The following SNX29 variants were observed in gnomAD, a reference collection of about 807,000 sequenced individuals.
SNX29 encodes the protein sorting nexin-29.
A neutral mutation model predicts 102.1 loss-of-function variants in SNX29; 78 were observed. That is an observed-to-expected ratio of 0.76 (90% CI 0.64 to 0.92). SNX29 has a LOEUF of 0.92. SNX29 is among the 40% of genes least tolerant of loss of function. The probability of loss-of-function intolerance (pLI) is 0.00; values close to 1 mark genes in which losing one functional copy is unlikely to be tolerated. For missense variants in SNX29, 1,280 were observed against 1,061.7 expected (o/e 1.21, Z -2.86); for synonymous variants, 580 against 414.5 (o/e 1.40, Z -4.85).
chr16:12,524,984 G>A, intron 20 of SNX29, 143 bp downstream of exon 20: 1 of 1,213,124 alleles, frequency 8.2e-7, no homozygotes, highest in Non-Finnish European at 1.1e-6. Context: ...GCTGTTCCAG[G>A]TGCCAAAGTG....
intron 15 of SNX29, among the ~76,000 whole-genome samples, chr16:12,281,045 C>T (rs2079414480): frequency 1.3e-5 from 2 of 152,196 alleles, no homozygotes; most frequent in African/African-American, 4.8e-5. Context: ...GTAGCTGAGA[C>T]TACAGGCATG....
rs920638165 is a variant in SNX29, at chr16:12,574,136, G to A, written c.*5507G>A. On this transcript the variant is annotated 3_prime_UTR_variant, in exon 21 of 21. Coordinates refer to ENST00000566228, the MANE Select transcript of SNX29 (RefSeq NM_032167.5). ...TCTTATGTTAAGGTTTACATAATAG[G>A]ATTTTTAAACAAATGTGTTTAATTT... 2.2e-5 allele frequency: 4 copies of A among 183,126 alleles called. No homozygotes were observed. Among genetic ancestry groups the A allele is most frequent in the African/African-American group, 7.1e-5 (3 of 42,534 alleles). The allele number at this position is 183,126 out of a possible 1,614,324, so 11.3% of individuals were successfully genotyped here. A position where few individuals can be genotyped will look rare whatever the true frequency, so the allele number is the denominator to read the frequency against.
intron 3 of SNX29, among the ~76,000 whole-genome samples, chr16:12,012,970 C>T (rs891095451): frequency 6.7e-6 from 1 of 149,558 alleles, no homozygotes; most frequent in African/African-American, 2.5e-5. Context: ...ATTTGCATTT[C>T]AGGTAGATAG....
intron 18 of SNX29, among the ~76,000 whole-genome samples, chr16:12,436,829 T>C (rs1183000223): frequency 6.6e-6 from 1 of 152,182 alleles, no homozygotes; most frequent in Non-Finnish European, 1.5e-5. Flanking sequence ...AATTTTTGTA[T>C]TTTAGTAGAG....
chr16:12,564,584 C>T (rs542131085), intron 20 of SNX29, among the ~76,000 whole-genome samples: 1 of 152,174 alleles, frequency 6.6e-6, no homozygotes, highest in Non-Finnish European at 1.5e-5. Flanking sequence ...CCAGACGCCC[C>T]TTTTTCTTGT....
At chr16:12,564,157 G>A (rs1257769899) in intron 20 of SNX29, among the ~76,000 whole-genome samples, 1 of 152,160 alleles carries the variant, frequency 6.6e-6, no homozygotes, top group Non-Finnish European at 1.5e-5. Flanking sequence ...GGAGGCCTGA[G>A]GTAGAGGATT....
intron 16 of SNX29, among the ~76,000 whole-genome samples, chr16:12,391,484 A>G (rs775389892): frequency 1.3e-5 from 2 of 152,224 alleles, no homozygotes; most frequent in Non-Finnish European, 2.9e-5. Flanking sequence ...AAAACTTTCC[A>G]GGATTTTGCT....
At chr16:12,295,061 T>C (rs767135773) in intron 15 of SNX29, among the ~76,000 whole-genome samples, 2 of 152,112 alleles carry the variant, frequency 1.3e-5, no homozygotes, top group African/African-American at 2.4e-5. Context: ...TGAGACTTAT[T>C]CTCTACCACA....
At chr16:12,539,963 G>C (rs994856937) in intron 20 of SNX29, among the ~76,000 whole-genome samples, 16 of 152,198 alleles carry the variant, frequency 1.1e-4, no homozygotes, top group African/African-American at 3.1e-4. Flanking sequence ...GAACATGTGA[G>C]TTGCACATAT....
intron 14 of SNX29, among the ~76,000 whole-genome samples, chr16:12,263,376 C>T (rs576182464): frequency 6.6e-6 from 1 of 152,286 alleles, no homozygotes; most frequent in African/African-American, 2.4e-5. Context: ...GGCCCGCCCG[C>T]CTTGGCCTAC....
In SNX29 at chr16:12,030,706, A is replaced by G. The variant is rs2057316921; in HGVS notation, c.247+3262A>G. Reference sequence around the variant, plus strand: ...CCCACTTATTCCCCGTAACCCCACTAACTTAAAGCTCTTCTGTGGGTCTCT... The same window carrying G: ...CCCACTTATTCCCCGTAACCCCACTGACTTAAAGCTCTTCTGTGGGTCTCT... On this transcript the variant is annotated intron_variant, in intron 4 of 20. Transcript: ENST00000566228. 2.0e-5 allele frequency among the ~76,000 whole-genome samples: 3 copies of G among 152,100 alleles called. No individual in the cohort carries two copies. In the South Asian group the frequency reaches 6.2e-4, roughly 32 times the overall value.
chr16:12,399,603 T>A (rs1199609832), intron 17 of SNX29, among the ~76,000 whole-genome samples: 1 of 152,172 alleles, frequency 6.6e-6, no homozygotes, highest in Non-Finnish European at 1.5e-5. Flanking sequence ...TCACTGGGCC[T>A]CACTTTCCTA....
chr16:12,531,147 T>G (rs1456900812), intron 20 of SNX29, among the ~76,000 whole-genome samples: 1 of 152,250 alleles, frequency 6.6e-6, no homozygotes, highest in African/African-American at 2.4e-5. Context: ...ATGCAGGGTT[T>G]GATCTGGATC....
Position 12,572,244 on chromosome 16 carries a change from T to G in SNX29, c.*3615T>G. The G allele has an allele frequency of 2.9e-6, 3 of 1,046,322 alleles. No homozygotes were observed. The highest frequency in any genetic ancestry group is 1.0e-4 in the East Asian group (2 of 19,762). 64.8% of individuals were successfully genotyped at this position (1,046,322 alleles called of 1,614,324 possible). A position where few individuals can be genotyped will look rare whatever the true frequency, so the allele number is the denominator to read the frequency against. On this transcript the variant is annotated 3_prime_UTR_variant, in exon 21 of 21. Coordinates refer to ENST00000566228, the MANE Select transcript of SNX29 (RefSeq NM_032167.5). ...GCTCCTGAAAGTCGTTTACACCAGG[T>G]GGATTGATACCATGGCTGTAGCTGA... is the stretch of plus-strand genomic sequence containing the variant.
At chr16:12,427,582 C>G (rs747053227) in intron 18 of SNX29, among the ~76,000 whole-genome samples, 5 of 151,826 alleles carry the variant, frequency 3.3e-5, no homozygotes, top group Admixed American at 6.5e-5. Flanking sequence ...ATTCTCTATT[C>G]GGTTGTTGGT....
intron 6 of SNX29, among the ~76,000 whole-genome samples, chr16:12,048,111 C>G (rs1341581701): frequency 1.3e-5 from 2 of 151,910 alleles, no homozygotes; most frequent in Non-Finnish European, 2.9e-5. Context: ...GACTCAACTC[C>G]CATGATAACG....
chr16:12,430,852 CTTT>C (rs56349621), intron 18 of SNX29, among the ~76,000 whole-genome samples: 6,916 of 139,076 alleles, frequency 0.05, 337 homozygotes, highest in African/African-American at 0.13. Flanking sequence ...TTGACGCAGT[CTTT>C]TTTTTTTTTT....
intron 7 of SNX29, 137 bp from the exon 8 acceptor site, chr16:12,051,710 T>C: frequency 7.7e-7 from 1 of 1,294,990 alleles, no homozygotes; most frequent in African/African-American, 1.5e-5. Context: ...CTGAGGATTT[T>C]AAAAAGTCTG....
chr16:12,251,074 C>G (rs1008318581), intron 14 of SNX29, among the ~76,000 whole-genome samples: 2 of 152,244 alleles, frequency 1.3e-5, no homozygotes, highest in African/African-American at 2.4e-5. Context: ...AGGACATCAC[C>G]AAGATCCTGC....
Sources: allele counts gnomAD v4.1 joint callset (sites outside exome capture counted in the v4.1 genomes callset), GRCh38; gene constraint gnomAD v4.1.1; transcripts MANE v1.5; gene names NCBI Gene and HGNC (gene_info 2026-07-23, HGNC 2026-07-21).